Variants in LMX1A observed in about 807,000 individuals in gnomAD.
The protein encoded by LMX1A is LIM homeobox transcription factor 1 alpha, also known as LIM homeobox transcription factor 1-alpha.
In LMX1A, 15 loss-of-function variants were observed where a neutral mutation model predicts 49.1. That is an observed-to-expected ratio of 0.31 (90% confidence interval 0.20 to 0.47). LMX1A has a LOEUF of 0.47. LMX1A is among the 20% of genes least tolerant of loss of function. The pLI, the probability that LMX1A is intolerant of heterozygous loss-of-function variation, is 1.00. For missense variants in LMX1A, 372 were observed against 475.8 expected (o/e 0.78, Z 2.03); for synonymous variants, 167 against 185.7 (o/e 0.90, Z 0.82).
intron 3 of LMX1A, among the ~76,000 whole-genome samples, chr1:165,251,716 A>G (rs868836077): frequency 3.9e-5 from 6 of 152,084 alleles, no homozygotes; most frequent in East Asian, 1.9e-4. Context: ...CCTGTTTAAT[A>G]TATCTGAACC....
At chr1:165,354,687 A>G (rs1571240661) in intron 2 of LMX1A, among the ~76,000 whole-genome samples, 1 of 152,236 alleles carries the variant, frequency 6.6e-6, no homozygotes, top group Non-Finnish European at 1.5e-5. Flanking sequence ...TGAAAGAGGC[A>G]AGAGGTTTAA....
chr1:165,248,335 G>T (rs1275906967), intron 4 of LMX1A, among the ~76,000 whole-genome samples: 1 of 152,184 alleles, frequency 6.6e-6, no homozygotes, highest in Admixed American at 6.5e-5. Flanking sequence ...CAAAGGGATG[G>T]ATAGAGTGAG....
intron 3 of LMX1A, among the ~76,000 whole-genome samples, chr1:165,301,736 A>C (rs1486106157): frequency 6.6e-6 from 1 of 152,238 alleles, no homozygotes; most frequent in Non-Finnish European, 1.5e-5. Context: ...AAACAAAACA[A>C]AACAAGAACA....
chr1:165,307,820 T>C (rs560845611), intron 3 of LMX1A, among the ~76,000 whole-genome samples: 98 of 152,328 alleles, frequency 6.4e-4, no homozygotes, highest in Non-Finnish European at 1.0e-3. Flanking sequence ...CTTGACCATA[T>C]GTATTTAGAC....
intron 3 of LMX1A, among the ~76,000 whole-genome samples, chr1:165,284,376 C>T (rs1253833740): frequency 6.6e-6 from 1 of 152,174 alleles, no homozygotes; most frequent in East Asian, 1.9e-4. Flanking sequence ...TGGCTCCATG[C>T]GTGTTTGAGG....
intron 3 of LMX1A, among the ~76,000 whole-genome samples, chr1:165,298,631 T>C (rs1654691149): frequency 6.6e-6 from 1 of 152,264 alleles, no homozygotes; most frequent in South Asian, 2.1e-4. Flanking sequence ...CTCTTGTCAG[T>C]GTTCCAAAAG....
At chr1:165,253,460 TC>T (rs1382271952) in intron 3 of LMX1A, among the ~76,000 whole-genome samples, 1 of 152,070 alleles carries the variant, frequency 6.6e-6, no homozygotes, top group African/African-American at 2.4e-5. Context: ...AAGGAGAAGT[TC>T]CCAGGGAGGC....
Position 165,249,404 on chromosome 1 carries a change from T to C in LMX1A, c.496+4A>G. 6.2e-7 allele frequency: 1 copy of C among 1,609,138 alleles called. No individual in the cohort carries two copies. The highest frequency in any genetic ancestry group is 1.1e-5 in the South Asian group (1 of 91,004). ...CGCAGCCCTGCCCACCACCTGGCAC[T>C]CACCTGAGTCTGAGGCTGCTGGGCT... On this transcript the variant is annotated splice_donor_region_variant and intron_variant, in intron 4 of 8. Transcript: ENST00000342310.
At chr1:165,272,374 G>T (rs1222122045) in intron 3 of LMX1A, among the ~76,000 whole-genome samples, 1 of 152,186 alleles carries the variant, frequency 6.6e-6, no homozygotes, top group Non-Finnish European at 1.5e-5. Flanking sequence ...TTACACTGGT[G>T]GCTGAAGCAT....
At position 165,209,319 on chromosome 1, in the gene LMX1A, C is replaced by T. The variant is rs188734854; in HGVS notation, c.748-1187G>A. Among the ~76,000 whole-genome samples the T allele has an allele frequency of 1.6e-4, 24 of 152,234 alleles. 1 individual carries two copies. In the East Asian group the frequency reaches 3.9e-3, roughly 24 times the overall value. On this transcript the variant is annotated intron_variant, in intron 6 of 8. Coordinates refer to ENST00000342310, the MANE Select transcript of LMX1A (RefSeq NM_177398.4). The stretch of plus-strand genomic sequence containing the variant: ...GTCGTTGACCCTGTTTTTTGGCATA[C>T]GGTTCCTAAAATTTTTGGACTCTCC...
chr1:165,251,997 C>A (rs1213230588), intron 3 of LMX1A, among the ~76,000 whole-genome samples: 1 of 152,090 alleles, frequency 6.6e-6, no homozygotes, highest in Admixed American at 6.5e-5. Context: ...TTCCTTTTTT[C>A]TGTCTGTTGT....
chr1:165,300,310 C>T (rs1323305491), intron 3 of LMX1A, among the ~76,000 whole-genome samples: 2 of 152,212 alleles, frequency 1.3e-5, no homozygotes, highest in African/African-American at 4.8e-5. Flanking sequence ...ACTTAACCTT[C>T]TGGAAAGGGC....
chr1:165,238,258 G>A (rs1042525784), intron 4 of LMX1A, among the ~76,000 whole-genome samples: 7 of 152,200 alleles, frequency 4.6e-5, no homozygotes, highest in Non-Finnish European at 5.9e-5. Context: ...CTTCACTGTC[G>A]TGCTTTTATT....
At chr1:165,316,765 A>G (rs1396911800) in intron 3 of LMX1A, among the ~76,000 whole-genome samples, 1 of 152,178 alleles carries the variant, frequency 6.6e-6, no homozygotes, top group African/African-American at 2.4e-5. Context: ...TTTACAGCAC[A>G]AGACAAAAAT....
intron 3 of LMX1A, among the ~76,000 whole-genome samples, chr1:165,309,707 A>G (rs1275367275): frequency 6.6e-6 from 1 of 152,176 alleles, no homozygotes; most frequent in Non-Finnish European, 1.5e-5. Flanking sequence ...GCTCAAGAAG[A>G]CCAGTGAACC....
intron 3 of LMX1A, among the ~76,000 whole-genome samples, chr1:165,299,715 T>A (rs1343915427): frequency 1.3e-5 from 2 of 150,576 alleles, no homozygotes; most frequent in Non-Finnish European, 1.5e-5. Context: ...AAAACATATT[T>A]CTCTCTTGGA....
At chr1:165,284,635 C>G (rs1187575979) in intron 3 of LMX1A, among the ~76,000 whole-genome samples, 1 of 152,206 alleles carries the variant, frequency 6.6e-6, no homozygotes, top group African/African-American at 2.4e-5. Flanking sequence ...TTAGAATATG[C>G]CCACAGGGCC....
chr1:165,290,113 C>T (rs1303310903), intron 3 of LMX1A, among the ~76,000 whole-genome samples: 1 of 152,212 alleles, frequency 6.6e-6, no homozygotes, highest in Non-Finnish European at 1.5e-5. Flanking sequence ...AAATGGACAT[C>T]ACATAGTCTA....
At chr1:165,289,660 G>T (rs948426459) in intron 3 of LMX1A, among the ~76,000 whole-genome samples, 1 of 152,228 alleles carries the variant, frequency 6.6e-6, no homozygotes, top group African/African-American at 2.4e-5. Flanking sequence ...AGCACAAGAG[G>T]CTCTGGATAC....
Sources: gnomAD v4.1 joint callset for allele counts (sites outside exome capture counted in the v4.1 genomes callset) on GRCh38, gnomAD v4.1.1 for gene constraint, MANE v1.5 for transcripts, NCBI Gene and HGNC (gene_info 2026-07-23, HGNC 2026-07-21) for gene names.